Variants in GARNL3 observed in about 807,000 individuals in gnomAD.
GARNL3 encodes the protein GTPase activating Rap/RanGAP domain like 3.
In GARNL3, 63 loss-of-function variants were observed where a neutral mutation model predicts 125.0. The observed-to-expected ratio is 0.50, with a 90% CI of 0.41 to 0.62. The LOEUF (loss-of-function observed/expected upper bound fraction) is 0.62. Ranked by LOEUF, GARNL3 falls within the 20% of genes least tolerant of loss-of-function variation. The probability of loss-of-function intolerance (pLI) is 0.00; values close to 1 mark genes in which losing one functional copy is unlikely to be tolerated. For missense variants in GARNL3, 994 were observed against 1,244.0 expected (o/e 0.80, Z 3.02); for synonymous variants, 439 against 457.5 (o/e 0.96, Z 0.52).
At chr9:127,335,455 G>A in intron 10 of GARNL3, 122 bp downstream of exon 10, 1 of 769,966 alleles carries the variant, frequency 1.3e-6, no homozygotes, top group Non-Finnish European at 2.3e-6. Context: ...CACCAATTTA[G>A]GGATGCTTTT....
intron 5 of GARNL3, among the ~76,000 whole-genome samples, chr9:127,318,805 T>C (rs1197678824): frequency 6.6e-6 from 1 of 152,218 alleles, no homozygotes; most frequent in East Asian, 1.9e-4. Flanking sequence ...TGTCAGGCAC[T>C]GTGCTGAATG....
chr9:127,389,853 C>A lies in GARNL3; in HGVS notation c.2743+734C>A, dbSNP rs186685052. ...AGAGAATCGATTGAGTCCGGGAGGT[C>A]AAGGCTACAGGGACCCATGATTACA... On this transcript the variant is annotated intron_variant, in intron 26 of 27. Coordinates refer to ENST00000373387, the MANE Select transcript of GARNL3 (RefSeq NM_032293.5). Among the ~76,000 whole-genome samples, 114 of 142,594 alleles carry A rather than the reference C, an allele frequency of 8.0e-4. 1 individual carries two copies. The East Asian group carries it at 0.017, about 21-fold the overall frequency. 93.5% of individuals were successfully genotyped at this position (142,594 alleles called of 152,430 possible). A position where few individuals can be genotyped will look rare whatever the true frequency, so the allele number is the denominator to read the frequency against.
chr9:127,231,352 G>A (rs979904383), intron 1 of GARNL3, among the ~76,000 whole-genome samples: 11 of 151,152 alleles, frequency 7.3e-5, no homozygotes, highest in Non-Finnish European at 1.5e-4. Context: ...GATTACAGGC[G>A]TGAGCCACTG....
intron 1 of GARNL3, among the ~76,000 whole-genome samples, chr9:127,226,347 C>T (rs1357756455): frequency 1.3e-5 from 2 of 152,218 alleles, no homozygotes; most frequent in Non-Finnish European, 2.9e-5. Context: ...TGGCCTTTTC[C>T]CTCCATCCTC....
At chr9:127,382,800 G>T (rs1344705035) in intron 22 of GARNL3, among the ~76,000 whole-genome samples, 1 of 152,128 alleles carries the variant, frequency 6.6e-6, no homozygotes, top group Non-Finnish European at 1.5e-5. Flanking sequence ...ACTGGTTGAG[G>T]TTCACCAAGA....
At chr9:127,379,863 A>G (rs772541103) in intron 22 of GARNL3, among the ~76,000 whole-genome samples, 4 of 152,186 alleles carry the variant, frequency 2.6e-5, no homozygotes, top group Non-Finnish European at 4.4e-5. Flanking sequence ...GAATAAAAAT[A>G]CTTGAAGGAG....
chr9:127,287,450 G>C (rs1203193772), intron 1 of GARNL3, among the ~76,000 whole-genome samples: 1 of 152,232 alleles, frequency 6.6e-6, no homozygotes, highest in Non-Finnish European at 1.5e-5. Context: ...ATCAGCTTCT[G>C]TACTGCGTTA....
At chr9:127,295,236 G>A (rs1429061950) in intron 2 of GARNL3, among the ~76,000 whole-genome samples, 1 of 152,170 alleles carries the variant, frequency 6.6e-6, no homozygotes, top group Non-Finnish European at 1.5e-5. Flanking sequence ...ACACTGTAAA[G>A]GTTTCTTGTA....
intron 2 of GARNL3, among the ~76,000 whole-genome samples, chr9:127,247,564 TCAC>T (rs1380542677): frequency 6.6e-6 from 1 of 152,222 alleles, no homozygotes; most frequent in African/African-American, 2.4e-5. Context: ...TTTGAGTTTG[TCAC>T]CAAGGCATTA....
intron 1 of GARNL3, chr9:127,225,487 C>A: frequency 1.8e-6 from 1 of 552,622 alleles, no homozygotes; most frequent in Non-Finnish European, 2.3e-6. Context: ...CGGGGCGAGG[C>A]CGTGGCGTGG....
chr9:127,369,980 A>G (rs1831518396), intron 22 of GARNL3, among the ~76,000 whole-genome samples: 1 of 152,204 alleles, frequency 6.6e-6, no homozygotes, highest in Non-Finnish European at 1.5e-5. Flanking sequence ...CATCAGAGCC[A>G]CAGGCAGCCG....
At chr9:127,370,327 A>G (rs925090832) in intron 22 of GARNL3, among the ~76,000 whole-genome samples, 16 of 152,192 alleles carry the variant, frequency 1.1e-4, no homozygotes, top group Admixed American at 9.2e-4. Context: ...AGTGGGAAAT[A>G]TCAGGAGTTT....
intron 18 of GARNL3, 107 bp from the exon 19 acceptor site, chr9:127,354,187 C>T (rs1830560027): frequency 1.2e-6 from 1 of 824,252 alleles, no homozygotes; most frequent in African/African-American, 1.7e-5. Flanking sequence ...TCCTGAATTC[C>T]AGAACACCTC....
upstream of GARNL3, among the ~76,000 whole-genome samples, chr9:127,261,599 G>A (rs1389763108): frequency 6.6e-6 from 1 of 151,784 alleles, no homozygotes; most frequent in African/African-American, 2.4e-5. Context: ...TTTTAGTAGA[G>A]ACAGGGTTTC....
At chr9:127,331,854 G>C (rs1167236553) in intron 7 of GARNL3, among the ~76,000 whole-genome samples, 1 of 151,168 alleles carries the variant, frequency 6.6e-6, no homozygotes, top group Non-Finnish European at 1.5e-5. Flanking sequence ...CAATATATCA[G>C]CCTGAGATTA....
At chr9:127,292,807 T>C (rs1206813414) in intron 2 of GARNL3, among the ~76,000 whole-genome samples, 1 of 152,214 alleles carries the variant, frequency 6.6e-6, no homozygotes, top group East Asian at 1.9e-4. Flanking sequence ...AAATAACCTG[T>C]GCTTGGGTCA....
chr9:127,390,877 A>G (rs777839310), intron 27 of GARNL3, 110 bp downstream of exon 27: 25 of 1,129,642 alleles, frequency 2.2e-5, no homozygotes, highest in Non-Finnish European at 3.2e-5. Context: ...CCTGGCAGCT[A>G]CAGCAGAGGG....
At chr9:127,391,478 CAA>C (rs1017956726) in intron 27 of GARNL3, among the ~76,000 whole-genome samples, 1 of 129,802 alleles carries the variant, frequency 7.7e-6, no homozygotes, top group Non-Finnish European at 1.7e-5. Context: ...CACATGAGCC[CAA>C]GAGTTCAATC....
intron 6 of GARNL3, among the ~76,000 whole-genome samples, chr9:127,321,510 G>A (rs374848019): frequency 6.6e-6 from 1 of 152,162 alleles, no homozygotes; most frequent in African/African-American, 2.4e-5. Context: ...GGCTACCATC[G>A]AGGATAAAAG....
Sources: gnomAD v4.1 joint callset for allele counts (sites outside exome capture counted in the v4.1 genomes callset) on GRCh38, gnomAD v4.1.1 for gene constraint, MANE v1.5 for transcripts, NCBI Gene and HGNC (gene_info 2026-07-23, HGNC 2026-07-21) for gene names.